DNAJB6: variants seen among roughly 807,000 people sequenced by gnomAD.
DNAJB6 encodes DnaJ heat shock protein family (Hsp40) member B6, also known as dnaJ homolog subfamily B member 6.
In DNAJB6, 16 loss-of-function variants were observed where a neutral mutation model predicts 42.7. The observed-to-expected ratio is 0.37, with a 90% CI of 0.25 to 0.57. The LOEUF (loss-of-function observed/expected upper bound fraction) is 0.57. Ranked by LOEUF, DNAJB6 falls within the 20% of genes least tolerant of loss-of-function variation. The probability of loss-of-function intolerance (pLI) is 0.74; values close to 1 mark genes in which losing one functional copy is unlikely to be tolerated. For synonymous variants in DNAJB6, 170 were observed against 163.5 expected (o/e 1.04, Z -0.30); for missense variants, 347 against 416.8 (o/e 0.83, Z 1.46).
At chr7:157,358,185 G>A (rs1165082052) in intron 1 of DNAJB6, among the ~76,000 whole-genome samples, 1 of 152,188 alleles carries the variant, frequency 6.6e-6, no homozygotes, top group Non-Finnish European at 1.5e-5. Context: ...AATGAAAGAG[G>A]TAACTGACGT....
intron 8 of DNAJB6, among the ~76,000 whole-genome samples, chr7:157,408,744 C>A (rs1423128708): frequency 2.0e-5 from 3 of 152,246 alleles, no homozygotes; most frequent in Admixed American, 6.5e-5. Context: ...TCCTGAATGT[C>A]TGTCGGTCTG....
chr7:157,396,432 C>T (rs1253939013), intron 8 of DNAJB6, among the ~76,000 whole-genome samples: 2 of 152,198 alleles, frequency 1.3e-5, no homozygotes, highest in African/African-American at 4.8e-5. Context: ...ATGTAGTGGG[C>T]AGTTAGAAAC....
intron 8 of DNAJB6, among the ~76,000 whole-genome samples, chr7:157,397,565 C>T (rs749951108): frequency 6.6e-6 from 1 of 152,216 alleles, no homozygotes; most frequent in East Asian, 1.9e-4. Flanking sequence ...AGCCTTCGCC[C>T]GTGCTCCGAT....
chr7:157,406,287 A>G (rs1378525852), intron 8 of DNAJB6, among the ~76,000 whole-genome samples: 1 of 152,204 alleles, frequency 6.6e-6, no homozygotes, highest in South Asian at 2.1e-4. Flanking sequence ...GGAGATCTGG[A>G]TAAGGAGGTC....
At chr7:157,410,207 C>T (rs2116653376) in intron 9 of DNAJB6, 5 of 1,284,200 alleles carry the variant, frequency 3.9e-6, no homozygotes, top group African/African-American at 1.6e-5. Context: ...GGCCCCCCAC[C>T]GTTAAAACGG....
At chr7:157,371,766 C>T (rs531373802) in intron 5 of DNAJB6, among the ~76,000 whole-genome samples, 1 of 152,302 alleles carries the variant, frequency 6.6e-6, no homozygotes, top group African/African-American at 2.4e-5. Context: ...GACCCTATTG[C>T]TCAGTGAAAT....
At chr7:157,360,827 C>T (rs1487545758) in intron 2 of DNAJB6, among the ~76,000 whole-genome samples, 2 of 152,222 alleles carry the variant, frequency 1.3e-5, no homozygotes, top group African/African-American at 2.4e-5. Context: ...GGGTTTGAGT[C>T]ACACACCATG....
intron 8 of DNAJB6, among the ~76,000 whole-genome samples, chr7:157,399,870 C>T (rs1211681570): frequency 6.6e-6 from 1 of 152,078 alleles, no homozygotes; most frequent in Non-Finnish European, 1.5e-5. Flanking sequence ...GGTTTCACCA[C>T]GTTGGCCAGG....
At chr7:157,350,933 C>T (rs955979225) in intron 1 of DNAJB6, among the ~76,000 whole-genome samples, 26 of 149,678 alleles carry the variant, frequency 1.7e-4, no homozygotes, top group Non-Finnish European at 3.1e-4. Flanking sequence ...AACTTTTGTC[C>T]AGTCTTTTTT....
chr7:157,358,621 G>A lies in DNAJB6; in HGVS notation c.49G>A (p.Glu17Lys). The A allele has an allele frequency of 2.5e-6, 4 of 1,613,278 alleles. No individual in the cohort carries two copies. The highest frequency in any genetic ancestry group is 3.4e-6 in the Non-Finnish European group (4 of 1,179,234). Residue 17 changes from glutamate to lysine, a missense_variant, in exon 2 of 10, where the codon GAG becomes AAG. Transcript: ENST00000262177. ...AGGCGTGCAGAGACATGCCTCACCC[G>A]AGGATATTAAAAAGGCGTAAGTAGT... The part of the protein sequence containing the change: ...VLGVQRHASP[E>K]DIKKAYRKLA...
intron 8 of DNAJB6, among the ~76,000 whole-genome samples, chr7:157,399,802 G>A (rs11971582): frequency 0.022 from 3,322 of 152,238 alleles, 105 homozygotes; most frequent in African/African-American, 0.071. Context: ...TGGAGTAGCT[G>A]GGATTACAGG....
At chr7:157,374,559 G>A (rs1004597608) in intron 5 of DNAJB6, among the ~76,000 whole-genome samples, 8 of 152,062 alleles carry the variant, frequency 5.3e-5, no homozygotes, top group Non-Finnish European at 1.2e-4. Context: ...GTGCCAGGCC[G>A]TTCATTTCTA....
intron 8 of DNAJB6, among the ~76,000 whole-genome samples, chr7:157,389,028 G>T (rs1292102682): frequency 6.6e-6 from 1 of 152,232 alleles, no homozygotes; most frequent in Non-Finnish European, 1.5e-5. Flanking sequence ...CCTTCAATGA[G>T]TAGATTTTAG....
Position 157,354,217 on chromosome 7 carries a change from G to A in DNAJB6, c.-26-4330G>A, listed in dbSNP as rs371931209. Reference sequence around the variant, plus strand: ...GGCTGGAGTGCAATGGTGCGATCTCGGCTCACCGCAGCCTCCGCTTCCTGG... The same window carrying A: ...GGCTGGAGTGCAATGGTGCGATCTCAGCTCACCGCAGCCTCCGCTTCCTGG... On this transcript the variant is annotated intron_variant, in intron 1 of 9. Coordinates refer to ENST00000262177, the MANE Select transcript of DNAJB6 (RefSeq NM_058246.4). Among the ~76,000 whole-genome samples the A allele has an allele frequency of 7.4e-4, 113 of 152,008 alleles. 2 individuals carry two copies. The East Asian group carries it at 9.3e-3, about 13-fold the overall frequency.
intron 5 of DNAJB6, chr7:157,381,755 T>TGTGTGTGTGTGG (rs1800787254): frequency 6.6e-6 from 1 of 152,138 alleles, no homozygotes; most frequent in African/African-American, 2.4e-5. Flanking sequence ...CGTGTGTGTG[T>TGTGTGTGTGTGG]GTGTGTGTGT....
chr7:157,341,456 T>C (rs1798375409), intron 1 of DNAJB6, among the ~76,000 whole-genome samples: 1 of 152,168 alleles, frequency 6.6e-6, no homozygotes, highest in Non-Finnish European at 1.5e-5. Flanking sequence ...TGTTGCAAAA[T>C]TACGTGTCTT....
intron 8 of DNAJB6, among the ~76,000 whole-genome samples, chr7:157,406,053 G>A (rs2117196070): frequency 6.6e-6 from 1 of 152,352 alleles, no homozygotes; most frequent in South Asian, 2.1e-4. Context: ...CAGAGCCTTG[G>A]CTCTGAACAG....
chr7:157,343,712 G>A (rs1798537890), intron 1 of DNAJB6, among the ~76,000 whole-genome samples: 1 of 152,202 alleles, frequency 6.6e-6, no homozygotes, highest in African/African-American at 2.4e-5. Context: ...GCCTCCCAAA[G>A]TGCTGGGATT....
intron 8 of DNAJB6, among the ~76,000 whole-genome samples, chr7:157,406,624 G>A (rs893133946): frequency 3.9e-5 from 6 of 152,172 alleles, no homozygotes; most frequent in African/African-American, 1.4e-4. Flanking sequence ...AGGCTGCCCT[G>A]TGGATGTGGC....
Sources: gnomAD v4.1 joint callset for allele counts (sites outside exome capture counted in the v4.1 genomes callset) on GRCh38, gnomAD v4.1.1 for gene constraint, MANE v1.5 for transcripts, NCBI Gene and HGNC (gene_info 2026-07-23, HGNC 2026-07-21) for gene names.